Variants in WNK3 observed in about 807,000 individuals in gnomAD.
WNK3 encodes the protein WNK lysine deficient protein kinase 3.
Under a neutral mutation model 116.7 loss-of-function variants are expected in WNK3, and 18 were observed. The observed-to-expected ratio is 0.15, with a 90% confidence interval of 0.11 to 0.23. The LOEUF (loss-of-function observed/expected upper bound fraction) is 0.23. WNK3 is among the 10% of genes least tolerant of loss of function. WNK3 has a pLI of 1.00. For synonymous variants in WNK3, 404 were observed against 469.4 expected (o/e 0.86, Z 1.80); for missense variants, 993 against 1,323.8 (o/e 0.75, Z 3.88).
intron 1 of WNK3, among the ~76,000 whole-genome samples, chrX:54,349,319 C>G (rs1487051554): frequency 9.0e-6 from 1 of 111,633 alleles, no homozygotes; most frequent in Non-Finnish European, 1.9e-5. Flanking sequence ...GCCTGGGTGA[C>G]AGAGCAAGAC....
chrX:54,288,412 G>C (rs1210219713), intron 10 of WNK3, among the ~76,000 whole-genome samples: 1 of 111,614 alleles, frequency 9.0e-6, no homozygotes, highest in Admixed American at 9.6e-5. Context: ...TGATTTATGG[G>C]ACCTTCCTGA....
chrX:54,250,619 C>T (rs2068118683), intron 15 of WNK3, among the ~76,000 whole-genome samples: 1 of 111,806 alleles, frequency 8.9e-6, no homozygotes, highest in South Asian at 3.7e-4. Flanking sequence ...CTCTTTTAAA[C>T]TCTACCCAAC....
At chrX:54,196,278 G>A (rs896976361) in exon 24 of WNK3, 1 of 111,193 alleles carries the variant, frequency 9.0e-6, no homozygotes, top group Admixed American at 9.6e-5. Context: ...AACAGATCAT[G>A]TTCTATGAAA....
intron 1 of WNK3, among the ~76,000 whole-genome samples, chrX:54,336,575 G>A (rs1557175412): frequency 1.8e-5 from 2 of 111,090 alleles, no homozygotes; most frequent in Non-Finnish European, 1.9e-5. Flanking sequence ...TGGAGTAAGT[G>A]TATGAGTGGT....
chrX:54,350,257 A>G (rs1212662572), intron 1 of WNK3, among the ~76,000 whole-genome samples: 1 of 110,646 alleles, frequency 9.0e-6, no homozygotes, highest in Non-Finnish European at 1.9e-5. Context: ...AAAATACAAA[A>G]AAGTTAGCCA....
intron 11 of WNK3, among the ~76,000 whole-genome samples, chrX:54,258,426 T>A (rs782577983): frequency 1.2e-3 from 132 of 109,505 alleles, no homozygotes; most frequent in Non-Finnish European, 2.2e-3. Flanking sequence ...CTCTGCCTCC[T>A]GGATTCAAGC....
At chrX:54,356,010 A>G (rs1369744695) in intron 1 of WNK3, among the ~76,000 whole-genome samples, 1 of 112,124 alleles carries the variant, frequency 8.9e-6, no homozygotes, top group Admixed American at 9.6e-5. Flanking sequence ...ATATCAAAGC[A>G]GAATAAAAGA....
At chrX:54,293,807 T>C in intron 8 of WNK3, among the ~76,000 whole-genome samples, 1 of 112,445 alleles carries the variant, frequency 8.9e-6, no homozygotes, top group Non-Finnish European at 1.9e-5. Flanking sequence ...GAGCCTAAAA[T>C]ACAAAGGGTC....
chrX:54,275,299 G>A (rs782582843), intron 10 of WNK3, among the ~76,000 whole-genome samples: 1 of 110,478 alleles, frequency 9.1e-6, no homozygotes, highest in Non-Finnish European at 1.9e-5. Context: ...CTGGGCGAGA[G>A]AGTGAGACTC....
chrX:54,330,735 A>C (rs1259801802), intron 2 of WNK3, among the ~76,000 whole-genome samples: 4 of 112,494 alleles, frequency 3.6e-5, no homozygotes, highest in Non-Finnish European at 7.5e-5. Flanking sequence ...GCTTGAGCCC[A>C]GGAGTTTGAG....
exon 18 of WNK3, chrX:54,239,091 G>C: frequency 1.8e-6 from 2 of 1,133,289 alleles, no homozygotes; most frequent in South Asian, 4.3e-5. Context: ...AAGCATCTGA[G>C]GACATCTCCT....
chrX:54,276,258 C>T (rs2068446018), intron 10 of WNK3, among the ~76,000 whole-genome samples: 1 of 110,559 alleles, frequency 9.0e-6, no homozygotes, highest in Non-Finnish European at 1.9e-5. Context: ...TTGCTTGAAC[C>T]CAGGAGGCGG....
At chrX:54,319,886 T>C (rs2069008686) in intron 2 of WNK3, among the ~76,000 whole-genome samples, 1 of 112,170 alleles carries the variant, frequency 8.9e-6, no homozygotes, top group African/African-American at 3.2e-5. Flanking sequence ...AAAGGAATGA[T>C]GAGCCACAAA....
intron 2 of WNK3, 103 bp from the exon 3 acceptor site, chrX:54,311,394 T>C: frequency 5.1e-6 from 3 of 591,783 alleles, no homozygotes; most frequent in Non-Finnish European, 7.9e-6. Context: ...CATGGATGTG[T>C]ATATTTATTT....
exon 16 of WNK3, chrX:54,250,050 G>C (rs782243482): frequency 2.2e-5 from 27 of 1,202,691 alleles, no homozygotes; most frequent in Non-Finnish European, 2.6e-5. Context: ...AGAAGGAGGA[G>C]ACTGAGTCTC....
At chrX:54,350,646 A>T in intron 1 of WNK3, among the ~76,000 whole-genome samples, 1 of 111,755 alleles carries the variant, frequency 8.9e-6, no homozygotes, top group South Asian at 3.7e-4. Flanking sequence ...AATTCCAAGT[A>T]TCTAGTGCAT....
At chrX:54,307,598 T>C (rs2068840604) in intron 5 of WNK3, among the ~76,000 whole-genome samples, 1 of 111,600 alleles carries the variant, frequency 9.0e-6, no homozygotes, top group South Asian at 3.8e-4. Context: ...CTTTTAGACC[T>C]AGAAGAAACC....
intron 11 of WNK3, among the ~76,000 whole-genome samples, chrX:54,258,479 G>A (rs1336068969): frequency 9.3e-6 from 1 of 107,829 alleles, no homozygotes; most frequent in African/African-American, 3.4e-5. Context: ...GATTACAGGC[G>A]TACATCACCA....
intron 22 of WNK3, among the ~76,000 whole-genome samples, chrX:54,206,942 T>C (rs1557142786): frequency 1.8e-5 from 2 of 111,284 alleles, no homozygotes; most frequent in African/African-American, 6.5e-5. Context: ...GGCAGGAGAA[T>C]TGCTTGAACC....
Sources: gnomAD v4.1 joint callset for allele counts (sites outside exome capture counted in the v4.1 genomes callset) on GRCh38, gnomAD v4.1.1 for gene constraint, MANE v1.5 for transcripts, NCBI Gene and HGNC (gene_info 2026-07-23, HGNC 2026-07-21) for gene names.